The following PXDNL variants were observed in gnomAD, a reference collection of about 807,000 sequenced individuals.
PXDNL encodes the protein peroxidasin like, also known as probable oxidoreductase PXDNL.
PXDNL carries 145 observed loss-of-function variants against 150.8 expected under a neutral mutation model. That is an observed-to-expected ratio of 0.96 (90% CI 0.84 to 1.10). The LOEUF (loss-of-function observed/expected upper bound fraction) is 1.10. Among genes scored for constraint, PXDNL ranks in the 50% least tolerant of loss-of-function variants. The pLI, the probability that PXDNL is intolerant of heterozygous loss-of-function variation, is 0.00. For synonymous variants in PXDNL, 757 were observed against 725.7 expected, an observed-to-expected ratio of 1.04 and a Z score of -0.69; for missense variants, 2,087 against 1,873.9, an observed-to-expected ratio of 1.11 and a Z score of -2.10.
At chr8:51,447,887 A>G (rs1485825054) in intron 11 of PXDNL, among the ~76,000 whole-genome samples, 1 of 152,152 alleles carries the variant, frequency 6.6e-6, no homozygotes, top group Non-Finnish European at 1.5e-5. Flanking sequence ...ATCAAACCCC[A>G]CAACCACCCT....
At chr8:51,582,227 T>C (rs1813226037) in intron 3 of PXDNL, among the ~76,000 whole-genome samples, 3 of 152,084 alleles carry the variant, frequency 2.0e-5, no homozygotes, top group Admixed American at 6.6e-5. Flanking sequence ...GCACATGTAC[T>C]GAGGAAAGAG....
rs2037453029 is a variant in PXDNL at position 51,785,554 on chromosome 8, C to T, written c.164+23627G>A. ...TTCTGTATCATATTTGGGTAATTCT[C>T]CCAATATTTCAAATGTTTTCATTAT... On this transcript the variant is annotated intron_variant, in intron 1 of 22. Transcript: ENST00000356297. 2.0e-5 allele frequency among the ~76,000 whole-genome samples: 3 copies of T among 152,174 alleles called. No individual in the cohort carries two copies. The South Asian group carries it at 6.2e-4, about 32-fold the overall frequency.
chr8:51,355,205 T>A (rs2976986), intron 19 of PXDNL, among the ~76,000 whole-genome samples: 111,495 of 152,092 alleles, frequency 0.73, 41,413 homozygotes, highest in East Asian at 0.94. Flanking sequence ...AGCATGAAAA[T>A]ACTACAGTGT....
intron 7 of PXDNL, among the ~76,000 whole-genome samples, chr8:51,473,611 G>T (rs1169739950): frequency 6.6e-6 from 1 of 152,076 alleles, no homozygotes; most frequent in Non-Finnish European, 1.5e-5. Context: ...TAAGTGACTG[G>T]AGGGATAGCA....
intron 1 of PXDNL, among the ~76,000 whole-genome samples, chr8:51,772,228 CTCTCTA>C (rs1455586174): frequency 1.4e-5 from 2 of 140,502 alleles, no homozygotes; most frequent in African/African-American, 2.8e-5. Flanking sequence ...CTTTCTCTCT[CTCTCTA>C]TATACACACA....
chr8:51,703,749 T>C (rs1267492780), intron 1 of PXDNL, among the ~76,000 whole-genome samples: 2 of 152,214 alleles, frequency 1.3e-5, no homozygotes, highest in South Asian at 2.1e-4. Flanking sequence ...ATTTAATGTG[T>C]TCATACATTT....
rs912323891 is a variant in PXDNL, at chr8:51,337,734, G to A, written c.4146+1890C>T. On this transcript the variant is annotated intron_variant, in intron 21 of 22. Transcript: ENST00000356297. ...TCTATTAAAAATACAAAAATGAGCT[G>A]GGCATGGTGGTGGGCGCCTGTAGTC... is the stretch of plus-strand genomic sequence containing the variant. Among the ~76,000 whole-genome samples the A allele has an allele frequency of 3.8e-4, 57 of 149,052 alleles. No individual in the cohort carries two copies. In the Admixed American group the frequency reaches 3.8e-3, roughly 10 times the overall value.
intron 1 of PXDNL, among the ~76,000 whole-genome samples, chr8:51,782,905 CAATTT>C (rs2037428372): frequency 6.6e-6 from 1 of 152,116 alleles, no homozygotes; most frequent in Non-Finnish European, 1.5e-5. Flanking sequence ...CCTCTGTATT[CAATTT>C]AAGAAACATG....
intron 6 of PXDNL, among the ~76,000 whole-genome samples, chr8:51,480,581 T>C (rs1019538557): frequency 1.3e-5 from 2 of 152,090 alleles, no homozygotes; most frequent in African/African-American, 2.4e-5. Context: ...GGGGAGAACA[T>C]CCAAACTATA....
At chr8:51,698,581 G>T (rs1816191298) in intron 1 of PXDNL, among the ~76,000 whole-genome samples, 1 of 152,168 alleles carries the variant, frequency 6.6e-6, no homozygotes, top group African/African-American at 2.4e-5. Context: ...ATCCATGAAA[G>T]TTGGAATCGA....
At chr8:51,732,128 T>C (rs4637818) in intron 1 of PXDNL, among the ~76,000 whole-genome samples, 2 of 152,124 alleles carry the variant, frequency 1.3e-5, no homozygotes, top group African/African-American at 4.8e-5. Flanking sequence ...CCTTTTAAAC[T>C]TAAGTTCCTA....
chr8:51,774,883 A>C (rs2037335844), intron 1 of PXDNL, among the ~76,000 whole-genome samples: 1 of 152,194 alleles, frequency 6.6e-6, no homozygotes, highest in African/African-American at 2.4e-5. Context: ...GTTTACATAA[A>C]ATGTCAAGAA....
intron 1 of PXDNL, among the ~76,000 whole-genome samples, chr8:51,747,094 G>A (rs11778164): frequency 0.17 from 25,922 of 152,156 alleles, 2,368 homozygotes; most frequent in Non-Finnish European, 0.2. Flanking sequence ...AGACTAATAT[G>A]GAAAATATTT....
At chr8:51,360,542 C>T (rs2130750059) in intron 19 of PXDNL, among the ~76,000 whole-genome samples, 1 of 152,360 alleles carries the variant, frequency 6.6e-6, no homozygotes, top group Non-Finnish European at 1.5e-5. Flanking sequence ...TGTACACACT[C>T]ATGCATACAC....
intron 17 of PXDNL, among the ~76,000 whole-genome samples, chr8:51,407,548 T>C (rs748995786): frequency 6.6e-6 from 1 of 152,208 alleles, no homozygotes; most frequent in Admixed American, 6.5e-5. Flanking sequence ...AAATCCCGTA[T>C]GTAGAAAAAG....
chr8:51,363,880 GC>G (rs1204065091), intron 19 of PXDNL, among the ~76,000 whole-genome samples: 1 of 152,102 alleles, frequency 6.6e-6, no homozygotes, highest in Non-Finnish European at 1.5e-5. Flanking sequence ...TGGAGAAATA[GC>G]CAGAGATAGG....
intron 2 of PXDNL, among the ~76,000 whole-genome samples, chr8:51,598,260 T>C (rs1813618063): frequency 1.3e-5 from 2 of 152,154 alleles, no homozygotes; most frequent in Admixed American, 1.3e-4. Context: ...CTAGCACTTT[T>C]AGTAGTATTT....
At chr8:51,498,252 A>C (rs1268895253) in intron 5 of PXDNL, among the ~76,000 whole-genome samples, 4 of 139,812 alleles carry the variant, frequency 2.9e-5, no homozygotes, top group African/African-American at 1.1e-4. Flanking sequence ...GGACACAGGA[A>C]GGGAAACATC....
intron 1 of PXDNL, among the ~76,000 whole-genome samples, chr8:51,681,000 T>C (rs1272369782): frequency 1.3e-5 from 2 of 148,966 alleles, no homozygotes; most frequent in African/African-American, 5.0e-5. Flanking sequence ...GTGGTTTTCG[T>C]CCAGACACAT....
Sources: gnomAD v4.1 joint callset for allele counts (sites outside exome capture counted in the v4.1 genomes callset) on GRCh38, gnomAD v4.1.1 for gene constraint, MANE v1.5 for transcripts, NCBI Gene and HGNC (gene_info 2026-07-23, HGNC 2026-07-21) for gene names.